KCNJ8: variants seen among roughly 807,000 people sequenced by gnomAD.
The protein encoded by KCNJ8 is potassium inwardly rectifying channel subfamily J member 8, also known as ATP-sensitive inward rectifier potassium channel 8.
Under a neutral mutation model 28.2 loss-of-function variants are expected in KCNJ8, and 13 were observed. The observed-to-expected ratio is 0.46, with a 90% CI of 0.30 to 0.73. The LOEUF (loss-of-function observed/expected upper bound fraction) is 0.73. KCNJ8 is among the 30% of genes least tolerant of loss of function. The pLI is 0.07. For synonymous variants in KCNJ8, 188 were observed against 195.9 expected (o/e 0.96, Z 0.34); for missense variants, 284 against 542.6 (o/e 0.52, Z 4.73).
intron 2 of KCNJ8, among the ~76,000 whole-genome samples, chr12:21,768,114 T>G (rs181435898): frequency 2.5e-4 from 38 of 152,258 alleles, no homozygotes; most frequent in Admixed American, 1.8e-3. Flanking sequence ...AATTAGATTC[T>G]TACAAGGAGC....
At chr12:21,769,224 C>G (rs1255077875) in intron 2 of KCNJ8, among the ~76,000 whole-genome samples, 1 of 152,116 alleles carries the variant, frequency 6.6e-6, no homozygotes, top group Non-Finnish European at 1.5e-5. Flanking sequence ...TCGTAGAGCC[C>G]CAAAGTATTA....
chr12:21,767,305 CCAA>C (rs1940648492), intron 2 of KCNJ8, among the ~76,000 whole-genome samples: 1 of 116,718 alleles, frequency 8.6e-6, no homozygotes, highest in Non-Finnish European at 1.7e-5. Context: ...TCAGGGGTCC[CCAA>C]CCCCCCCCCC....
chr12:21,773,647 T>C lies in KCNJ8; in HGVS notation c.-31A>G. The C allele has an allele frequency of 6.2e-7, 1 of 1,608,550 alleles. No homozygotes were observed. Among genetic ancestry groups the C allele is most frequent in the Middle Eastern group, 1.9e-4 (1 of 5,200 alleles). ...TGTCACCATAGCCAGCTTAGCCACC[T>C]CCCTCTCACCTGCCTCTCCGTCCCT... is the stretch of plus-strand genomic sequence containing the variant. On this transcript the variant is annotated 5_prime_UTR_variant, in exon 2 of 3. Coordinates refer to ENST00000240662, the MANE Select transcript of KCNJ8 (RefSeq NM_004982.4). The surrounding 1 kb of genome is among the most constrained non-coding windows in gnomAD (Gnocchi z 4.6).
chr12:21,767,308 ACCCC>A (rs757720164), intron 2 of KCNJ8, among the ~76,000 whole-genome samples: 4 of 53,716 alleles, frequency 7.4e-5, no homozygotes, highest in Non-Finnish European at 1.0e-4. Context: ...GGGGTCCCCA[ACCCC>A]CCCCCCCCCC....
In KCNJ8 at chr12:21,765,337, T is replaced by A. The variant is rs548756231; in HGVS notation, c.*386A>T. 6.3e-5 allele frequency: 20 copies of A among 318,598 alleles called. No homozygotes were observed. The highest frequency in any genetic ancestry group is 4.1e-4 in the African/African-American group (19 of 46,340). The allele number at this position is 318,598 out of a possible 1,614,324, so 19.7% of individuals were successfully genotyped here. ...TATTCTATTTGCATTTCCAGAGTGA[T>A]CATTAGTAACACAGCGATCTGGGTT... On this transcript the variant is annotated 3_prime_UTR_variant, in exon 3 of 3. Transcript: ENST00000240662.
Position 21,774,591 on chromosome 12 carries a change from C to G in KCNJ8, c.-116G>C, listed in dbSNP as rs1013663307. 6.6e-6 allele frequency: 1 copy of G among 152,198 alleles called. No individual in the cohort carries two copies. The highest frequency in any genetic ancestry group is 2.4e-5 in the African/African-American group (1 of 41,452). The allele number at this position is 152,198 out of a possible 1,614,324, so 9.4% of individuals were successfully genotyped here. A position where few individuals can be genotyped will look rare whatever the true frequency, so the allele number is the denominator to read the frequency against. On this transcript the variant is annotated 5_prime_UTR_variant, in exon 1 of 3. Transcript: ENST00000240662. ...GGCGGCTGGACCTCCTTGCACACGC[C>G]GGCGGGCCGCGGGCAGGTCCCTCGC...
At chr12:21,771,708 C>G (rs1940759462) in intron 2 of KCNJ8, among the ~76,000 whole-genome samples, 1 of 152,046 alleles carries the variant, frequency 6.6e-6, no homozygotes, top group African/African-American at 2.4e-5. Context: ...GTTACCATTT[C>G]TTTTTTCTCT....
chr12:21,773,214 AC>A lies in KCNJ8; in HGVS notation c.374+28del. 1 of 1,610,606 alleles carries A rather than the reference AC, an allele frequency of 6.2e-7. No homozygotes were observed. On this transcript the variant is annotated intron_variant, in intron 2 of 2. Coordinates refer to ENST00000240662, the MANE Select transcript of KCNJ8 (RefSeq NM_004982.4). This position sits in a 1 kb window ranked among gnomAD's most constrained non-coding sequence, Gnocchi z 4.6. The stretch of plus-strand genomic sequence containing the variant: ...TGACATTTTTTCTCTACTGTTTTCA[AC>A]CCCTGCCTCATCCCACTACATTCTT...
chr12:21,769,437 T>C (rs932756100), intron 2 of KCNJ8, among the ~76,000 whole-genome samples: 1 of 152,196 alleles, frequency 6.6e-6, no homozygotes, highest in Non-Finnish European at 1.5e-5. Context: ...TAGAAGGAGT[T>C]GATTGCTGTT....
Position 21,773,862 on chromosome 12 carries a change from A to G in KCNJ8, c.-70-176T>C, listed in dbSNP as rs1213208371. On this transcript the variant is annotated intron_variant, in intron 1 of 2. Coordinates refer to ENST00000240662, the MANE Select transcript of KCNJ8 (RefSeq NM_004982.4). The surrounding 1 kb of genome is among the most constrained non-coding windows in gnomAD (Gnocchi z 4.6). ...GTGCTTGAGTTCTGGGATCTCAGAA[A>G]AATTACTTGGTTTTAATAAAAAGAA... 6.6e-6 allele frequency among the ~76,000 whole-genome samples: 1 copy of G among 152,222 alleles called. No homozygotes were observed. Among genetic ancestry groups the G allele is most frequent in the East Asian group, 1.9e-4 (1 of 5,198 alleles).
At chr12:21,768,370 C>T (rs1331891365) in intron 2 of KCNJ8, among the ~76,000 whole-genome samples, 5 of 152,198 alleles carry the variant, frequency 3.3e-5, no homozygotes, top group African/African-American at 7.2e-5. Flanking sequence ...GGCAAACAAT[C>T]GATAAATGTG....
At chr12:21,774,437 A>G (rs1387865158) in intron 1 of KCNJ8, 109 bp downstream of exon 1, 4 of 151,968 alleles carry the variant, frequency 2.6e-5, no homozygotes, top group Non-Finnish European at 5.9e-5. Flanking sequence ...TGTGCCCCGA[A>G]AAGTCCATCC....
At position 21,765,294 on chromosome 12, in the gene KCNJ8, T is replaced by G; in HGVS notation, c.*429A>C. ...TGATGTACAAAACGCATTAACATGA[T>G]TTTGTTTTTTCCCCTCCTATTCTAT... On this transcript the variant is annotated 3_prime_UTR_variant, in exon 3 of 3. Coordinates refer to ENST00000240662, the MANE Select transcript of KCNJ8 (RefSeq NM_004982.4). 1 of 262,724 alleles carries G rather than the reference T, an allele frequency of 3.8e-6. No homozygotes were observed. The highest frequency in any genetic ancestry group is 7.4e-6 in the Non-Finnish European group (1 of 134,704). The allele number at this position is 262,724 out of a possible 1,614,324, so 16.3% of individuals were successfully genotyped here. A position where few individuals can be genotyped will look rare whatever the true frequency, so the allele number is the denominator to read the frequency against.
intron 2 of KCNJ8, among the ~76,000 whole-genome samples, chr12:21,770,924 G>C (rs1251229512): frequency 6.6e-6 from 1 of 152,144 alleles, no homozygotes; most frequent in Admixed American, 6.5e-5. Flanking sequence ...TTGAGTACTT[G>C]GTATGTACAG....
In KCNJ8 at chr12:21,765,997, A is replaced by G. The variant is rs34811413; in HGVS notation, c.1001T>C (p.Val334Ala). Residue 334 changes from valine to alanine, a missense_variant, in exon 3 of 3, where the codon GTG becomes GCG. Transcript: ENST00000240662. ...FVSIVTEEEG[V>A]YSVDYSKFGN... ...AAATTTGGAGTAATCCACAGAATAC[A>G]CTCCTTCTTCCTCAGTCACAATGGA... 5,047 of 1,613,872 alleles carry G rather than the reference A, an allele frequency of 3.1e-3. 134 individuals are homozygous for G. The African/African-American group carries it at 0.06, about 19-fold the overall frequency.
intron 2 of KCNJ8, among the ~76,000 whole-genome samples, chr12:21,767,252 T>C (rs1015109322): frequency 7.9e-5 from 12 of 152,022 alleles, no homozygotes; most frequent in African/African-American, 2.7e-4. Context: ...TTGTTTTCCA[T>C]TTGGAAAGAA....
At chr12:21,771,984 A>G (rs1436301807) in intron 2 of KCNJ8, among the ~76,000 whole-genome samples, 2 of 152,222 alleles carry the variant, frequency 1.3e-5, no homozygotes, top group Admixed American at 1.3e-4. Flanking sequence ...TATCTAATCA[A>G]TATTAAAAGC....
intron 2 of KCNJ8, among the ~76,000 whole-genome samples, chr12:21,767,307 A>AC (rs1940648848): frequency 2.8e-3 from 71 of 25,634 alleles, no homozygotes; most frequent in Non-Finnish European, 3.2e-3. Context: ...AGGGGTCCCC[A>AC]ACCCCCCCCC....
At chr12:21,767,625 C>G (rs1940662946) in intron 2 of KCNJ8, among the ~76,000 whole-genome samples, 1 of 152,180 alleles carries the variant, frequency 6.6e-6, no homozygotes, top group African/African-American at 2.4e-5. Flanking sequence ...AAACCAGTCC[C>G]TGGCTCCAAA....
Sources: allele counts gnomAD v4.1 joint callset (sites outside exome capture counted in the v4.1 genomes callset), GRCh38; gene constraint gnomAD v4.1.1; non-coding constraint Gnocchi (gnomAD v3.1); transcripts MANE v1.5; gene names NCBI Gene and HGNC (gene_info 2026-07-23, HGNC 2026-07-21).